Variants in SNF8 observed in about 807,000 individuals in gnomAD.
The protein encoded by SNF8 is SNF8 subunit of ESCRT-II, also known as vacuolar-sorting protein SNF8.
SNF8 carries 19 observed loss-of-function variants against 36.8 expected under a neutral mutation model. That is an observed-to-expected ratio of 0.52 (90% confidence interval 0.36 to 0.76). The LOEUF is 0.76. Ranked by LOEUF, SNF8 falls within the 30% of genes least tolerant of loss-of-function variation. The pLI is 0.00. For synonymous variants in SNF8, 127 were observed against 127.4 expected (o/e 1.00, Z 0.02); for missense variants, 268 against 322.9 (o/e 0.83, Z 1.30).
At position 48,944,096 on chromosome 17, in the gene SNF8, G is replaced by A; in HGVS notation, c.55-121C>T. The A allele has an allele frequency of 3.5e-6, 3 of 852,378 alleles. No homozygotes were observed. The South Asian group carries it at 4.1e-5, about 12-fold the overall frequency. The allele number at this position is 852,378 out of a possible 1,614,324, so 52.8% of individuals were successfully genotyped here. A position where few individuals can be genotyped will look rare whatever the true frequency, so the allele number is the denominator to read the frequency against. ...AGGCGGGCGGATCACGAGGTCAGGA[G>A]ATCGAGCCATCCTGGCTAACACAGT... On this transcript the variant is annotated intron_variant, in intron 1 of 7. Transcript: ENST00000502492.
chr17:48,933,048 A>G (rs1327905822), intron 6 of SNF8, 157 bp downstream of exon 6: 4 of 717,484 alleles, frequency 5.6e-6, no homozygotes, highest in African/African-American at 5.3e-5. Flanking sequence ...TAGCTGCTCA[A>G]TAAATGTCTG....
intron 2 of SNF8, among the ~76,000 whole-genome samples, chr17:48,943,085 C>T (rs1332515622): frequency 1.4e-5 from 2 of 147,076 alleles, no homozygotes; most frequent in African/African-American, 2.5e-5. Context: ...AGGCTGGTCT[C>T]GAACTATGGA....
At position 48,944,747 on chromosome 17, in the gene SNF8, C is replaced by T. The variant is rs1237492915; in HGVS notation, c.-13G>A. ...CGCGGCGGTGCATCCCCACCCTGGGCCCGCGGGCCGCCCGGCTGCCGGGAC... is the reference window on the plus strand; with the variant it reads ...CGCGGCGGTGCATCCCCACCCTGGGTCCGCGGGCCGCCCGGCTGCCGGGAC... On this transcript the variant is annotated 5_prime_UTR_variant, in exon 1 of 8. Transcript: ENST00000502492. The T allele has an allele frequency of 1.3e-6, 2 of 1,595,292 alleles. No homozygotes were observed. Among genetic ancestry groups the T allele is most frequent in the Non-Finnish European group, 8.5e-7 (1 of 1,173,352 alleles).
At chr17:48,936,760 A>T in intron 4 of SNF8, 1 of 519,588 alleles carries the variant, frequency 1.9e-6, no homozygotes. Context: ...CCTACTTCCT[A>T]CCTCTCTACT....
chr17:48,934,535 C>T (rs57901004), intron 5 of SNF8: 75,132 of 177,906 alleles, frequency 0.42, 18,623 homozygotes, highest in East Asian at 0.71. Context: ...ACCCAGGAGG[C>T]GGAGGTTGCA....
chr17:48,940,376 C>T (rs968884070), intron 3 of SNF8, among the ~76,000 whole-genome samples: 4 of 151,888 alleles, frequency 2.6e-5, no homozygotes, highest in Non-Finnish European at 5.9e-5. Context: ...GGGAAAATGC[C>T]ATAAAAAATT....
chr17:48,941,805 C>T (rs1256579233), intron 2 of SNF8, among the ~76,000 whole-genome samples: 2 of 151,986 alleles, frequency 1.3e-5, no homozygotes, highest in East Asian at 1.9e-4. Flanking sequence ...ATTCTCTTGC[C>T]TCAGCCTCCC....
At chr17:48,931,911 G>A (rs2040865352) in intron 6 of SNF8, 194 bp from the exon 7 acceptor site, 2 of 485,058 alleles carry the variant, frequency 4.1e-6, no homozygotes, top group Non-Finnish European at 7.3e-6. Flanking sequence ...TAGGTTGGTG[G>A]GTTCAATCCT....
chr17:48,940,726 C>T (rs897371868), intron 3 of SNF8, among the ~76,000 whole-genome samples, 198 bp downstream of exon 3: 1 of 152,024 alleles, frequency 6.6e-6, no homozygotes, highest in African/African-American at 2.4e-5. Flanking sequence ...GGAGGCAGAG[C>T]TTGCAGTGAG....
At chr17:48,935,685 A>G (rs1322731812) in intron 5 of SNF8, 1 of 152,798 alleles carries the variant, frequency 6.5e-6, no homozygotes, top group Non-Finnish European at 1.5e-5. Flanking sequence ...TCTCAAAGAA[A>G]AAAAAGACTA....
In SNF8 at chr17:48,930,508, AAT is replaced by A. The variant is rs1567782922; in HGVS notation, c.742_743del (p.Ile248TyrfsTer3). 6.2e-7 allele frequency: 1 copy of A among 1,611,614 alleles called. No homozygotes were observed. The highest frequency in any genetic ancestry group is 1.7e-5 in the Admixed American group (1 of 59,912). ...ALFTDLYSQE[I>X]TAEEAREALP ...GGGCTTCTCTGGCCTCCTCAGCTGT[AAT>A]CTCCTGGGAGTAGAGGTCAGTGAAG... On this transcript the variant is annotated frameshift_variant, in exon 8 of 8. Transcript: ENST00000502492. LOFTEE classifies it high-confidence loss of function.
At chr17:48,943,839 T>G (rs1249256381) in intron 2 of SNF8, 86 bp downstream of exon 2, 5 of 1,224,002 alleles carry the variant, frequency 4.1e-6, no homozygotes, top group Non-Finnish European at 6.0e-6. Flanking sequence ...TCTAGTTCAA[T>G]CTACACAATC....
chr17:48,937,845 G>A (rs2040958613), intron 3 of SNF8, among the ~76,000 whole-genome samples: 1 of 151,972 alleles, frequency 6.6e-6, no homozygotes, highest in African/African-American at 2.4e-5. Flanking sequence ...AGAATCGCTT[G>A]AACCCGGGAG....
intron 3 of SNF8, among the ~76,000 whole-genome samples, chr17:48,940,177 A>C (rs1432438840): frequency 6.6e-6 from 1 of 151,042 alleles, no homozygotes. Context: ...GAGTAGCTGG[A>C]CTATAGACAC....
chr17:48,941,447 A>T (rs2041022186), intron 2 of SNF8, among the ~76,000 whole-genome samples: 1 of 152,190 alleles, frequency 6.6e-6, no homozygotes, highest in South Asian at 2.1e-4. Flanking sequence ...AGATGTACCT[A>T]ATAATTCATC....
rs2040846769 is a variant in SNF8, at chr17:48,930,727, A to G, written c.640-115T>C. 7 of 1,096,826 alleles carry G rather than the reference A, an allele frequency of 6.4e-6. No homozygotes were observed. In the South Asian group the frequency reaches 8.0e-5, roughly 13 times the overall value. The allele number at this position is 1,096,826 out of a possible 1,614,324, so 67.9% of individuals were successfully genotyped here. The stretch of plus-strand genomic sequence containing the variant: ...TCAGTGAGGTTTTCAAACTAAATCT[A>G]CTAAGTGCCTTCAAACCTTTACACA... On this transcript the variant is annotated intron_variant, in intron 7 of 7. Transcript: ENST00000502492.
In SNF8 at chr17:48,944,781, T is replaced by TCCACGTCCCGGACTCCGCCGCCGGCTCC; in HGVS notation, c.-75_-48dup. Reference sequence around the variant, plus strand: ...CGCCCGGCTGCCGGGACCCCGGGTCTCCACGTCCCGGACTCCGCCGCCGGC... The same window carrying TCCACGTCCCGGACTCCGCCGCCGGCTCC: ...CGCCCGGCTGCCGGGACCCCGGGTCTCCACGTCCCGGACTCCGCCGCCGGCTCCCCACGTCCCGGACTCCGCCGCCGGC... On this transcript the variant is annotated 5_prime_UTR_variant, in exon 1 of 8. Transcript: ENST00000502492. 6.4e-7 allele frequency: 1 copy of TCCACGTCCCGGACTCCGCCGCCGGCTCC among 1,564,072 alleles called. No homozygotes were observed. The highest frequency in any genetic ancestry group is 8.6e-7 in the Non-Finnish European group (1 of 1,162,666).
At chr17:48,933,145 T>TC in intron 6 of SNF8, 60 bp downstream of exon 6, 1 of 1,594,766 alleles carries the variant, frequency 6.3e-7, no homozygotes, top group South Asian at 1.1e-5. Context: ...TGAGAACTGC[T>TC]CCAGACTTGC....
rs186436692 is a variant in SNF8, at chr17:48,943,194, G to C, written c.105+731C>G. Among the ~76,000 whole-genome samples the C allele has an allele frequency of 2.0e-5, 3 of 152,022 alleles. No homozygotes were observed. The East Asian group carries it at 5.9e-4, about 30-fold the overall frequency. On this transcript the variant is annotated intron_variant, in intron 2 of 7. Transcript: ENST00000502492. The stretch of plus-strand genomic sequence containing the variant: ...AATTTTAAACTCAGAATATGGCCGG[G>C]CGCGGTGGCTCACGCCTGTAGTCCC...
Sources: gnomAD v4.1 joint callset for allele counts (sites outside exome capture counted in the v4.1 genomes callset) on GRCh38, gnomAD v4.1.1 for gene constraint, MANE v1.5 for transcripts, NCBI Gene and HGNC (gene_info 2026-07-23, HGNC 2026-07-21) for gene names.